The following CDH23 variants were observed in gnomAD, a reference collection of about 807,000 sequenced individuals.
CDH23 encodes cadherin-23.
A neutral mutation model predicts 317.1 loss-of-function variants in CDH23; 189 were observed. That is an observed-to-expected ratio of 0.60 (90% confidence interval 0.53 to 0.67). The LOEUF is 0.67. Among genes scored for constraint, CDH23 ranks in the 30% least tolerant of loss-of-function variants. CDH23 has a pLI of 0.00. For missense variants in CDH23, 4,401 were observed against 4,592.4 expected (o/e 0.96, Z 1.20); for synonymous variants, 1,839 against 1,876.8 (o/e 0.98, Z 0.52).
rs915698072 is a variant in CDH23, at chr10:71,430,803, G to GA, written c.-5-9016dup. Among the ~76,000 whole-genome samples, 149 of 151,490 alleles carry GA rather than the reference G, an allele frequency of 9.8e-4. 1 individual carries two copies. The highest frequency in any genetic ancestry group is 3.4e-3 in the African/African-American group (140 of 41,318). ...CCACTGCACTCCAGCCTGGGTGACA[G>GA]AAAAAAAACAAAAAAGAACAGCCTA... On this transcript the variant is annotated intron_variant, in intron 1 of 69. Transcript: ENST00000224721.
At chr10:71,810,655 A>G in intron 62 of CDH23, 86 bp downstream of exon 62, 1 of 1,223,998 alleles carries the variant, frequency 8.2e-7, no homozygotes, top group East Asian at 2.4e-5. Flanking sequence ...ACACCAAAGG[A>G]GACACAGACC....
intron 11 of CDH23, chr10:71,622,947 C>T (rs780188367): frequency 1.0e-6 from 1 of 985,246 alleles, no homozygotes; most frequent in East Asian, 1.1e-4. Flanking sequence ...TTGCCGAACC[C>T]CTGGCCTTCC....
chr10:71,446,446 C>G, intron 3 of CDH23, 51 bp downstream of exon 3: 1 of 1,539,240 alleles, frequency 6.5e-7, no homozygotes, highest in Non-Finnish European at 9.0e-7. Flanking sequence ...GGGTGCAATC[C>G]CTTCCCACAA....
At chr10:71,657,769 C>T (rs1237285240) in intron 14 of CDH23, among the ~76,000 whole-genome samples, 1 of 149,982 alleles carries the variant, frequency 6.7e-6, no homozygotes, top group East Asian at 2.0e-4. Flanking sequence ...CTTAATTGAT[C>T]TCATTGTTCT....
At chr10:71,404,432 T>C (rs552966514) in intron 1 of CDH23, among the ~76,000 whole-genome samples, 1 of 152,356 alleles carries the variant, frequency 6.6e-6, no homozygotes, top group African/African-American at 2.4e-5. Context: ...TGGACCCCAC[T>C]TTATTCATTT....
intron 38 of CDH23, among the ~76,000 whole-genome samples, chr10:71,765,438 G>A (rs1435539968): frequency 6.6e-6 from 1 of 152,224 alleles, no homozygotes; most frequent in Non-Finnish European, 1.5e-5. Flanking sequence ...TGGGGTTGGG[G>A]GCCCTCAAGT....
intron 3 of CDH23, among the ~76,000 whole-genome samples, chr10:71,489,591 C>T (rs537054668): frequency 6.6e-4 from 70 of 106,002 alleles, no homozygotes; most frequent in African/African-American, 2.4e-3. Flanking sequence ...CACAGTGCCT[C>T]GGGGTGTGTG....
At chr10:71,721,811 T>C (rs994431007) in intron 28 of CDH23, among the ~76,000 whole-genome samples, 2 of 152,222 alleles carry the variant, frequency 1.3e-5, no homozygotes, top group African/African-American at 2.4e-5. Flanking sequence ...CATTCCACTC[T>C]TCCAACCACA....
At chr10:71,627,445 C>T (rs1861793232) in intron 11 of CDH23, among the ~76,000 whole-genome samples, 3 of 152,196 alleles carry the variant, frequency 2.0e-5, no homozygotes, top group Admixed American at 6.5e-5. Context: ...TTCCTCCCAG[C>T]GTGCTAAGCT....
At chr10:71,579,220 G>A (rs944735923) in intron 9 of CDH23, among the ~76,000 whole-genome samples, 3 of 152,110 alleles carry the variant, frequency 2.0e-5, no homozygotes, top group African/African-American at 7.2e-5. Flanking sequence ...TCATGTCCTT[G>A]GCAATGCAGG....
At chr10:71,731,321 C>T (rs557486298) in intron 31 of CDH23, among the ~76,000 whole-genome samples, 1 of 152,352 alleles carries the variant, frequency 6.6e-6, no homozygotes, top group Admixed American at 6.5e-5. Context: ...ACTCCTCTCT[C>T]AGCATCCTCA....
At chr10:71,811,019 G>A (rs919318195) in intron 62 of CDH23, among the ~76,000 whole-genome samples, 1 of 146,066 alleles carries the variant, frequency 6.8e-6, no homozygotes, top group African/African-American at 2.6e-5. Flanking sequence ...GGTGGAGTTT[G>A]CAGTGGGCTG....
intron 24 of CDH23, among the ~76,000 whole-genome samples, chr10:71,704,470 C>T (rs1175714087): frequency 6.6e-6 from 1 of 152,124 alleles, no homozygotes; most frequent in African/African-American, 2.4e-5. Context: ...TTTGTTGTTA[C>T]TATCTCACAA....
At chr10:71,501,918 G>A (rs1564618972) in intron 3 of CDH23, among the ~76,000 whole-genome samples, 1 of 152,182 alleles carries the variant, frequency 6.6e-6, no homozygotes. Flanking sequence ...GTTGGAGTGA[G>A]GAGTAGTTAT....
rs2132847460 is a variant in CDH23, at chr10:71,741,724, G to A, written c.4648G>A (p.Val1550Met). 1 of 1,611,416 alleles carries A rather than the reference G, an allele frequency of 6.2e-7. No homozygotes were observed. The highest frequency in any genetic ancestry group is 8.5e-7 in the Non-Finnish European group (1 of 1,178,802). ...NVGGGTAVVQ[V>M]RATDRDIGIN... ...GGGTGGAGGTACTGCTGTGGTCCAG[G>A]TGAGAGCCACTGACCGTGACATCGG... Residue 1550 changes from valine (V) to methionine (M), a missense_variant, in exon 38 of 70, where the codon GTG becomes ATG. By Grantham distance (21) the Val-to-Met change is conservative. Transcript: ENST00000224721.
chr10:71,566,902 C>T lies in CDH23; in HGVS notation c.590C>T (p.Thr197Ile). The change falls in exon 7 of 70, where the codon ACC becomes ATC. Residue 197 changes from threonine (T) to isoleucine (I), a missense_variant. By Grantham distance (89) the Thr-to-Ile change is moderately conservative (BLOSUM62 -1). This residue lies in a region of CDH23 where 3,068 missense variants were observed against 3,203.3 expected (regional missense o/e 0.96). Transcript: ENST00000224721. ...GTGATCCGGGAGCTGGACTACGAGACCACACAGGCCTACCAGCTCACGGTC... is the reference window on the plus strand; with the variant it reads ...GTGATCCGGGAGCTGGACTACGAGATCACACAGGCCTACCAGCTCACGGTC... ...VTVIRELDYE[T>I]TQAYQLTVNA... is the part of the protein sequence containing the mutation. 1 of 1,613,682 alleles carries T rather than the reference C, an allele frequency of 6.2e-7. No individual in the cohort carries two copies. Among genetic ancestry groups the T allele is most frequent in the African/African-American group, 1.3e-5 (1 of 75,048 alleles).
At chr10:71,717,193 A>G (rs922279170) in intron 28 of CDH23, 1 of 152,244 alleles carries the variant, frequency 6.6e-6, no homozygotes, top group Non-Finnish European at 1.5e-5. Context: ...GACAAGCCAG[A>G]GCTCACTCCT....
At chr10:71,500,483 A>G (rs1358280666) in intron 3 of CDH23, among the ~76,000 whole-genome samples, 2 of 152,186 alleles carry the variant, frequency 1.3e-5, no homozygotes, top group African/African-American at 4.8e-5. Context: ...GCTGGTAGCA[A>G]TAAGTAGACT....
chr10:71,655,857 C>T (rs1172124130), intron 14 of CDH23, among the ~76,000 whole-genome samples: 3 of 152,180 alleles, frequency 2.0e-5, no homozygotes, highest in East Asian at 3.9e-4. Context: ...CCATCGGCAA[C>T]GGAGATGTTT....
Sources: gnomAD v4.1 joint callset for allele counts (sites outside exome capture counted in the v4.1 genomes callset) on GRCh38, gnomAD v4.1.1 for gene constraint, gnomAD v4.1.1 regional missense constraint, MANE v1.5 for transcripts, NCBI Gene and HGNC (gene_info 2026-07-23, HGNC 2026-07-21) for gene names.